PTPN4: variants seen among roughly 807,000 people sequenced by gnomAD.
PTPN4 encodes tyrosine-protein phosphatase non-receptor type 4.
A neutral mutation model predicts 135.5 loss-of-function variants in PTPN4; 49 were observed. The observed-to-expected ratio is 0.36, with a 90% CI of 0.29 to 0.46. The LOEUF is 0.46. Among genes scored for constraint, PTPN4 ranks in the 20% least tolerant of loss-of-function variants. PTPN4 has a pLI of 1.00. For missense variants in PTPN4, 860 were observed against 1,101.0 expected (o/e 0.78, Z 3.10); for synonymous variants, 333 against 369.9 (o/e 0.90, Z 1.14).
intron 10 of PTPN4, 109 bp from the exon 11 acceptor site, chr2:119,915,070 G>C (rs1242210756): frequency 1.1e-6 from 1 of 922,830 alleles, no homozygotes; most frequent in Non-Finnish European, 1.5e-6. Flanking sequence ...ATGTATATAT[G>C]ATAAAATGTT....
chr2:119,797,166 A>T (rs1691278279), intron 1 of PTPN4, among the ~76,000 whole-genome samples: 1 of 152,112 alleles, frequency 6.6e-6, no homozygotes, highest in African/African-American at 2.4e-5. Flanking sequence ...TTCTCTTAAC[A>T]GTGCCTTTTG....
In PTPN4 at chr2:119,960,908, C is replaced by T. The variant is rs376753894; in HGVS notation, c.2235C>T (p.Gly745=). Reference sequence around the variant, plus strand: ...TTTGGCAGATGACTTGGGAACAAGGCTCCTCTATGGTTGTAATGTTGACCA... The same window carrying T: ...TTTGGCAGATGACTTGGGAACAAGGTTCCTCTATGGTTGTAATGTTGACCA... ...TDFWQMTWEQ[G]SSMVVMLTTQ... is the part of the protein sequence containing the mutation. The change falls in exon 23 of 27, where the codon GGC becomes GGT. Residue 745 remains glycine (G), a synonymous_variant. Transcript: ENST00000263708. The T allele has an allele frequency of 3.1e-6, 5 of 1,613,988 alleles. No homozygotes were observed. The highest frequency in any genetic ancestry group is 4.2e-6 in the Non-Finnish European group (5 of 1,179,924).
chr2:119,954,260 C>A (rs1163620498), intron 19 of PTPN4, among the ~76,000 whole-genome samples: 1 of 152,168 alleles, frequency 6.6e-6, no homozygotes, highest in Non-Finnish European at 1.5e-5. Context: ...TACCTTGGCT[C>A]CATGTTTTAG....
chr2:119,922,886 T>A (rs1002436968), intron 12 of PTPN4, among the ~76,000 whole-genome samples: 1 of 152,232 alleles, frequency 6.6e-6, no homozygotes, highest in African/African-American at 2.4e-5. Flanking sequence ...GAGCAAGATA[T>A]GGTAGTTTCT....
At chr2:119,841,795 A>T (rs1677385597) in intron 2 of PTPN4, among the ~76,000 whole-genome samples, 1 of 152,200 alleles carries the variant, frequency 6.6e-6, no homozygotes, top group Non-Finnish European at 1.5e-5. Flanking sequence ...AGATTAGCAC[A>T]GTAAATGGTG....
chr2:119,843,117 T>G (rs1177824570), intron 2 of PTPN4, among the ~76,000 whole-genome samples: 2 of 152,164 alleles, frequency 1.3e-5, no homozygotes, highest in African/African-American at 2.4e-5. Flanking sequence ...GTTACTATAG[T>G]GGATTACCAC....
intron 1 of PTPN4, among the ~76,000 whole-genome samples, chr2:119,777,362 T>G (rs765418061): frequency 3.9e-4 from 60 of 152,224 alleles, no homozygotes; most frequent in Admixed American, 1.0e-3. Context: ...TTCCTACTCC[T>G]ACATGGCTGT....
At chr2:119,810,545 A>G (rs1285570156) in intron 2 of PTPN4, among the ~76,000 whole-genome samples, 7 of 152,168 alleles carry the variant, frequency 4.6e-5, no homozygotes, top group Non-Finnish European at 8.8e-5. Flanking sequence ...TGAATATACT[A>G]TAGTTTACTT....
chr2:119,772,038 A>G (rs903467864), intron 1 of PTPN4, among the ~76,000 whole-genome samples: 20 of 152,230 alleles, frequency 1.3e-4, no homozygotes, highest in African/African-American at 4.8e-4. Context: ...TTTTTAAGAT[A>G]ATATTATTTT....
chr2:119,790,968 C>G (rs187267314), intron 1 of PTPN4, among the ~76,000 whole-genome samples: 5 of 152,228 alleles, frequency 3.3e-5, no homozygotes, highest in Admixed American at 3.3e-4. Flanking sequence ...CTTTCCCCTT[C>G]CTTTGTATTA....
At chr2:119,833,928 T>C (rs1246870681) in intron 2 of PTPN4, among the ~76,000 whole-genome samples, 1 of 152,196 alleles carries the variant, frequency 6.6e-6, no homozygotes, top group Admixed American at 6.5e-5. Flanking sequence ...GTTCTGTATC[T>C]CACCTTATTT....
chr2:119,831,113 T>G (rs1008944193), intron 2 of PTPN4, among the ~76,000 whole-genome samples: 5 of 152,198 alleles, frequency 3.3e-5, no homozygotes, highest in Non-Finnish European at 5.9e-5. Context: ...AGATCTGGCA[T>G]TAGATTCTAA....
intron 9 of PTPN4, among the ~76,000 whole-genome samples, chr2:119,895,916 CAAAA>C (rs534245263): frequency 9.0e-6 from 1 of 111,056 alleles, no homozygotes; most frequent in Non-Finnish European, 1.9e-5. Context: ...GACTCTGTCT[CAAAA>C]AAAAAAAAAA....
At chr2:119,849,267 T>G (rs979967946) in intron 2 of PTPN4, among the ~76,000 whole-genome samples, 1 of 152,204 alleles carries the variant, frequency 6.6e-6, no homozygotes, top group African/African-American at 2.4e-5. Context: ...TTTCTTCTCC[T>G]GTGTTATGTT....
chr2:119,849,143 G>A (rs551610572), intron 2 of PTPN4, among the ~76,000 whole-genome samples: 1 of 152,176 alleles, frequency 6.6e-6, no homozygotes, highest in South Asian at 2.1e-4. Flanking sequence ...CTTTAGTTCT[G>A]TGGATATATT....
Position 119,877,361 on chromosome 2 carries a change from A to G in PTPN4, c.285A>G (p.Leu95=). 1 of 1,612,446 alleles carries G rather than the reference A, an allele frequency of 6.2e-7. No homozygotes were observed. The highest frequency in any genetic ancestry group is 8.5e-7 in the Non-Finnish European group (1 of 1,179,462). ...LDPNKPIRKQ[L]KRGSPYSLNF... ...CAAACAAACCAATAAGGAAGCAGCTAAAGAGTGAGCATACATATTTACTTA... is the reference window on the plus strand; with the variant it reads ...CAAACAAACCAATAAGGAAGCAGCTGAAGAGTGAGCATACATATTTACTTA... Residue 95 remains leucine, a synonymous_variant, in exon 4 of 27, where the codon CTA becomes CTG. Transcript: ENST00000263708.
intron 1 of PTPN4, among the ~76,000 whole-genome samples, chr2:119,787,026 A>G (rs988853138): frequency 1.3e-5 from 2 of 152,176 alleles, no homozygotes; most frequent in African/African-American, 4.8e-5. Flanking sequence ...ATATGGGACA[A>G]TGGTGGGAGA....
At chr2:119,857,234 A>G (rs757124804) in intron 2 of PTPN4, among the ~76,000 whole-genome samples, 5 of 151,774 alleles carry the variant, frequency 3.3e-5, no homozygotes, top group African/African-American at 9.7e-5. Flanking sequence ...CTGCTTTTCT[A>G]TTAGAAAAGA....
At chr2:119,914,842 G>T (rs1182243195) in intron 10 of PTPN4, among the ~76,000 whole-genome samples, 9 of 152,032 alleles carry the variant, frequency 5.9e-5, no homozygotes, top group Non-Finnish European at 1.3e-4. Flanking sequence ...GTGTTTTTAG[G>T]GTTGTTGCAT....
Sources: gnomAD v4.1 joint callset for allele counts (sites outside exome capture counted in the v4.1 genomes callset) on GRCh38, gnomAD v4.1.1 for gene constraint, MANE v1.5 for transcripts, NCBI Gene and HGNC (gene_info 2026-07-23, HGNC 2026-07-21) for gene names.